Variants in ARHGEF4 observed in about 807,000 individuals in gnomAD.
The protein encoded by ARHGEF4 is APC-stimulated guanine nucleotide exchange factor 1.
Under a neutral mutation model 162.0 loss-of-function variants are expected in ARHGEF4, and 119 were observed. That is an observed-to-expected ratio of 0.73 (90% CI 0.63 to 0.86). The LOEUF (loss-of-function observed/expected upper bound fraction) is 0.86, where lower values mean the gene tolerates loss of function less well. Ranked by LOEUF, ARHGEF4 falls within the 40% of genes least tolerant of loss-of-function variation. ARHGEF4 has a pLI of 0.00. For synonymous variants in ARHGEF4, 1,014 were observed against 979.9 expected, an observed-to-expected ratio of 1.03 and a Z score of -0.65; for missense variants, 2,488 against 2,456.0, an observed-to-expected ratio of 1.01 and a Z score of -0.28.
chr2:130,871,815 A>G (rs2104934114), intron 1 of ARHGEF4, among the ~76,000 whole-genome samples: 1 of 152,248 alleles, frequency 6.6e-6, no homozygotes. Flanking sequence ...AAAATCAAGC[A>G]CTTTTTCTTA....
At chr2:131,032,232 G>A (rs888328685) in intron 5 of ARHGEF4, among the ~76,000 whole-genome samples, 2 of 151,794 alleles carry the variant, frequency 1.3e-5, no homozygotes, top group African/African-American at 4.8e-5. Flanking sequence ...AGCCAGGTCC[G>A]GCCTGGGGAC....
intron 4 of ARHGEF4, among the ~76,000 whole-genome samples, chr2:130,988,885 TATATATATATATATATAGAGAGAGAGAG>T (rs1167841035): frequency 4.1e-5 from 4 of 97,846 alleles, no homozygotes; most frequent in Non-Finnish European, 6.6e-5. Flanking sequence ...TATATATATA[TATATATATATATATATAGAGAGAGAGAG>T]AGAGAGAGAG....
At chr2:130,996,270 T>C (rs149005627) in intron 4 of ARHGEF4, among the ~76,000 whole-genome samples, 1 of 152,342 alleles carries the variant, frequency 6.6e-6, no homozygotes, top group Non-Finnish European at 1.5e-5. Context: ...CACACTCGGC[T>C]TACCTGCCTG....
At chr2:130,953,392 A>G (rs993758859) in intron 4 of ARHGEF4, among the ~76,000 whole-genome samples, 1 of 152,248 alleles carries the variant, frequency 6.6e-6, no homozygotes, top group African/African-American at 2.4e-5. Flanking sequence ...CTTGCACCTT[A>G]TACAATAATT....
intron 2 of ARHGEF4, chr2:130,929,899 A>AT (rs35335067): frequency 0.81 from 119,851 of 148,260 alleles, 49,812 homozygotes; most frequent in East Asian, 0.99. Flanking sequence ...ATACTTTTTC[A>AT]TTTTTTTTTT....
At chr2:131,002,599 A>G (rs1463432571) in intron 4 of ARHGEF4, among the ~76,000 whole-genome samples, 1 of 150,880 alleles carries the variant, frequency 6.6e-6, no homozygotes, top group Non-Finnish European at 1.5e-5. Context: ...AGTCCTAGCT[A>G]CTTCAGAGGC....
chr2:130,999,070 T>C (rs1687585972), intron 4 of ARHGEF4, among the ~76,000 whole-genome samples: 1 of 152,220 alleles, frequency 6.6e-6, no homozygotes, highest in Admixed American at 6.5e-5. Context: ...GACATACCTG[T>C]ATATCTTCTT....
intron 4 of ARHGEF4, among the ~76,000 whole-genome samples, chr2:131,005,928 G>T (rs1404744928): frequency 6.6e-6 from 1 of 152,200 alleles, no homozygotes; most frequent in African/African-American, 2.4e-5. Flanking sequence ...GGTTGCTAAT[G>T]AGCTGACCTT....
chr2:131,007,144 G>A (rs924624130), intron 4 of ARHGEF4, among the ~76,000 whole-genome samples: 5 of 152,194 alleles, frequency 3.3e-5, no homozygotes, highest in Admixed American at 1.3e-4. Flanking sequence ...GACCTACTAT[G>A]TTCTCAGTCC....
chr2:130,937,699 G>A (rs773029658), intron 3 of ARHGEF4, among the ~76,000 whole-genome samples: 4 of 142,474 alleles, frequency 2.8e-5, no homozygotes, highest in African/African-American at 1.0e-4. Flanking sequence ...ACAGAATGTC[G>A]CTCTGTCACC....
At chr2:130,991,552 C>T (rs929749866) in intron 4 of ARHGEF4, among the ~76,000 whole-genome samples, 5 of 152,232 alleles carry the variant, frequency 3.3e-5, no homozygotes, top group Non-Finnish European at 5.9e-5. Flanking sequence ...GCCGGCCGGC[C>T]CTGCCGGCCC....
chr2:130,977,498 T>G (rs1448726443), intron 4 of ARHGEF4, among the ~76,000 whole-genome samples: 2 of 151,926 alleles, frequency 1.3e-5, no homozygotes, highest in Non-Finnish European at 2.9e-5. Context: ...ATAGTGGTTT[T>G]ATGATGTGTA....
chr2:130,894,672 A>G (rs963807484), intron 1 of ARHGEF4, among the ~76,000 whole-genome samples: 3 of 150,850 alleles, frequency 2.0e-5, no homozygotes, highest in Admixed American at 6.6e-5. Context: ...TTTTTTTTGG[A>G]AAGGAAGAAC....
At chr2:130,845,907 G>T (rs1680925423) in intron 1 of ARHGEF4, among the ~76,000 whole-genome samples, 1 of 152,256 alleles carries the variant, frequency 6.6e-6, no homozygotes, top group South Asian at 2.1e-4. Flanking sequence ...ACAAGTGGCT[G>T]CCTGGGGACA....
At chr2:130,841,940 C>T (rs1363374377) in intron 1 of ARHGEF4, among the ~76,000 whole-genome samples, 2 of 152,228 alleles carry the variant, frequency 1.3e-5, no homozygotes, top group African/African-American at 4.8e-5. Context: ...GTACATTGCC[C>T]TGGCCTGGGT....
intron 1 of ARHGEF4, among the ~76,000 whole-genome samples, chr2:130,907,985 T>A (rs1680943115): frequency 6.6e-6 from 1 of 152,006 alleles, no homozygotes; most frequent in Non-Finnish European, 1.5e-5. Context: ...ACATACTGGC[T>A]TTCGTGTGAG....
At chr2:130,839,346 G>C (rs1485796337) in intron 1 of ARHGEF4, among the ~76,000 whole-genome samples, 1 of 152,136 alleles carries the variant, frequency 6.6e-6, no homozygotes, top group Non-Finnish European at 1.5e-5. Flanking sequence ...TGCTGGACTG[G>C]GCCAGAAAAG....
chr2:130,947,230 CAA>C (rs372358312), intron 4 of ARHGEF4: 9 of 126,704 alleles, frequency 7.1e-5, no homozygotes, highest in Admixed American at 1.6e-4. Flanking sequence ...AACTCCGTCT[CAA>C]AAAAAAAAAA....
chr2:130,947,560 T>C (rs974877448), intron 4 of ARHGEF4, among the ~76,000 whole-genome samples: 2 of 152,158 alleles, frequency 1.3e-5, no homozygotes, highest in African/African-American at 4.8e-5. Context: ...ACTTGGGTGT[T>C]TTCCGTTCTG....
Sources: allele counts gnomAD v4.1 joint callset (sites outside exome capture counted in the v4.1 genomes callset), GRCh38; gene constraint gnomAD v4.1.1; transcripts MANE v1.5; gene names NCBI Gene and HGNC (gene_info 2026-07-23, HGNC 2026-07-21).